VPS13A: variants seen among roughly 807,000 people sequenced by gnomAD.
The protein encoded by VPS13A is vacuolar protein sorting 13 homolog A.
In VPS13A, 264 loss-of-function variants were observed where a neutral mutation model predicts 390.9. The ratio of observed to expected loss-of-function variants is 0.68; its 90% CI spans 0.61 to 0.75. The LOEUF is 0.75. Among genes scored for constraint, VPS13A ranks in the 30% least tolerant of loss-of-function variants. VPS13A has a pLI of 0.00. For synonymous variants in VPS13A, 1,231 were observed against 1,227.1 expected (o/e 1.00, Z -0.07); for missense variants, 3,409 against 3,733.9 (o/e 0.91, Z 2.27).
At chr9:77,353,240 G>A (rs1410470995) in intron 53 of VPS13A, among the ~76,000 whole-genome samples, 169 bp from the exon 54 acceptor site, 8 of 151,992 alleles carry the variant, frequency 5.3e-5, no homozygotes, top group Admixed American at 5.2e-4. Context: ...TTTCAATAAT[G>A]TAAATTTGCA....
chr9:77,271,907 C>T lies in VPS13A; in HGVS notation c.2428-1373C>T, dbSNP rs541125826. Among the ~76,000 whole-genome samples, 7 of 152,132 alleles carry T rather than the reference C, an allele frequency of 4.6e-5. No individual in the cohort carries two copies. In the South Asian group the frequency reaches 1.5e-3, roughly 32 times the overall value. Reference sequence around the variant, plus strand: ...CTTTTGGGAGGATGCCTAATGATTGCAAGGAGCTTAAGGGAGGCTTATGAG... The same window carrying T: ...CTTTTGGGAGGATGCCTAATGATTGTAAGGAGCTTAAGGGAGGCTTATGAG... On this transcript the variant is annotated intron_variant, in intron 23 of 71. Transcript: ENST00000360280.
At chr9:77,395,481 G>T (rs1046121676) in intron 68 of VPS13A, among the ~76,000 whole-genome samples, 2 of 152,136 alleles carry the variant, frequency 1.3e-5, no homozygotes, top group Non-Finnish European at 2.9e-5. Flanking sequence ...AAAAAAGTTT[G>T]AAATATTGTA....
At chr9:77,207,239 A>ACG (rs1404204047) in intron 5 of VPS13A, among the ~76,000 whole-genome samples, 51 of 113,562 alleles carry the variant, frequency 4.5e-4, no homozygotes, top group Admixed American at 1.2e-3. Flanking sequence ...ATATATATAT[A>ACG]TATATATATA....
intron 2 of VPS13A, among the ~76,000 whole-genome samples, chr9:77,200,912 A>T (rs182649072): frequency 2.0e-5 from 3 of 152,252 alleles, no homozygotes; most frequent in Admixed American, 2.0e-4. Context: ...TGTTTTTGCG[A>T]GTGGATATCT....
intron 17 of VPS13A, among the ~76,000 whole-genome samples, chr9:77,236,924 A>G (rs180843832): frequency 5.9e-5 from 9 of 152,172 alleles, no homozygotes; most frequent in Admixed American, 3.9e-4. Flanking sequence ...TTGAGATGGA[A>G]TGCCACTCTG....
intron 14 of VPS13A, 57 bp downstream of exon 14, chr9:77,226,045 A>G: frequency 6.8e-7 from 1 of 1,468,138 alleles, no homozygotes; most frequent in South Asian, 1.2e-5. Context: ...TAGATATGAC[A>G]GATGTGATAT....
At chr9:77,303,430 G>C (rs994828976) in intron 34 of VPS13A, among the ~76,000 whole-genome samples, 2 of 152,002 alleles carry the variant, frequency 1.3e-5, no homozygotes, top group African/African-American at 4.8e-5. Flanking sequence ...AAGTGAAGGG[G>C]TGGCCTGCAC....
At chr9:77,393,273 T>C (rs890584864) in intron 68 of VPS13A, among the ~76,000 whole-genome samples, 6 of 152,258 alleles carry the variant, frequency 3.9e-5, no homozygotes, top group Non-Finnish European at 7.3e-5. Context: ...GCTCCACTTC[T>C]AATCCCCTTG....
chr9:77,416,402 T>G lies in VPS13A; in HGVS notation c.*396T>G, dbSNP rs1453138959. The G allele has an allele frequency of 1.5e-5, 3 of 198,598 alleles. No homozygotes were observed. In the East Asian group the frequency reaches 4.1e-4, roughly 27 times the overall value. The allele number at this position is 198,598 out of a possible 1,614,324, so 12.3% of individuals were successfully genotyped here. On this transcript the variant is annotated 3_prime_UTR_variant, in exon 72 of 72. Transcript: ENST00000360280. ...AATGTTTCTAGTTCACATTTTGTACTTCTGTCATGCTTATTTCAAACTCCC... is the reference window on the plus strand; with the variant it reads ...AATGTTTCTAGTTCACATTTTGTACGTCTGTCATGCTTATTTCAAACTCCC...
At chr9:77,177,910 G>A (rs1823738911) in intron 1 of VPS13A, 106 bp downstream of exon 1, 1 of 1,050,354 alleles carries the variant, frequency 9.5e-7, no homozygotes, top group African/African-American at 1.6e-5. Flanking sequence ...TTGCTCGCCG[G>A]GTGCAGCCAC....
chr9:77,291,146 C>T (rs939395830), intron 31 of VPS13A, among the ~76,000 whole-genome samples: 15 of 152,150 alleles, frequency 9.9e-5, no homozygotes, highest in African/African-American at 3.6e-4. Context: ...AGCTCCGCCT[C>T]CTGTCAGATC....
chr9:77,313,979 T>C lies in VPS13A; in HGVS notation c.4115-13T>C, dbSNP rs368916206. The C allele has an allele frequency of 3.7e-6, 6 of 1,608,316 alleles. No homozygotes were observed. The highest frequency in any genetic ancestry group is 5.1e-6 in the Non-Finnish European group (6 of 1,176,912). On this transcript the variant is annotated splice_polypyrimidine_tract_variant and intron_variant, in intron 35 of 71. Coordinates refer to ENST00000360280, the MANE Select transcript of VPS13A (RefSeq NM_033305.3). ...GATATTTTCTTTTATTAAATAACTT[T>C]AATTTTTTCAAGGAGCAACTGTGGT...
chr9:77,238,369 G>T lies in VPS13A; in HGVS notation c.1883G>T (p.Arg628Leu), dbSNP rs765358211. 15 of 1,613,490 alleles carry T rather than the reference G, an allele frequency of 9.3e-6. No homozygotes were observed. Among genetic ancestry groups the T allele is most frequent in the East Asian group, 2.2e-5 (1 of 44,834 alleles). The change falls in exon 19 of 72, where the codon CGC (arginine) becomes CTC (leucine). Residue 628 changes from arginine to leucine, a missense_variant. Physicochemically the swap from Arg to Leu is moderately radical, Grantham distance 102. Around this residue, in one of 5 missense-constraint regions of VPS13A, gnomAD observed 2,717 missense variants for 2,917.4 expected, o/e 0.93. Coordinates refer to ENST00000360280, the MANE Select transcript of VPS13A (RefSeq NM_033305.3). The stretch of plus-strand genomic sequence containing the variant: ...ACTTTGACAAAACTGGAAGAATTTC[G>T]CAGTAAGACAGCAACAGGTAAATGC... ...AATLTKLEEF[R>L]SKTATGLLYI...
intron 68 of VPS13A, among the ~76,000 whole-genome samples, chr9:77,393,537 TA>T (rs1008859812): frequency 3.3e-5 from 5 of 152,214 alleles, no homozygotes; most frequent in Non-Finnish European, 5.9e-5. Context: ...ATTTCTTAAA[TA>T]ATAAGACTTG....
chr9:77,334,447 CT>C (rs747892017), intron 46 of VPS13A, among the ~76,000 whole-genome samples: 40 of 152,216 alleles, frequency 2.6e-4, no homozygotes, highest in Non-Finnish European at 5.0e-4. Context: ...ATTCCTTGAA[CT>C]TTCCTTTGAC....
At chr9:77,352,274 T>A (rs1422165224) in intron 53 of VPS13A, among the ~76,000 whole-genome samples, 2 of 152,204 alleles carry the variant, frequency 1.3e-5, no homozygotes, top group African/African-American at 4.8e-5. Flanking sequence ...TTTCAGAAAA[T>A]TTTTAAAAGT....
chr9:77,306,571 T>C (rs1287478880), intron 34 of VPS13A, among the ~76,000 whole-genome samples: 1 of 151,938 alleles, frequency 6.6e-6, no homozygotes, highest in Non-Finnish European at 1.5e-5. Flanking sequence ...GAAGAGGTAG[T>C]GTTGGAGCTC....
At chr9:77,355,689 CAG>C (rs1433610214) in intron 54 of VPS13A, among the ~76,000 whole-genome samples, 1 of 152,200 alleles carries the variant, frequency 6.6e-6, no homozygotes, top group Non-Finnish European at 1.5e-5. Flanking sequence ...GCTTTCCAAT[CAG>C]AGTTAATAAA....
At chr9:77,339,989 ATAT>A (rs2131506522) in intron 48 of VPS13A, 78 bp downstream of exon 48, 3 of 1,517,530 alleles carry the variant, frequency 2.0e-6, no homozygotes, top group South Asian at 1.2e-5. Flanking sequence ...TGAGTAATAA[ATAT>A]TATGAAACTT....
Sources: allele counts gnomAD v4.1 joint callset (sites outside exome capture counted in the v4.1 genomes callset), GRCh38; gene constraint gnomAD v4.1.1; regional missense constraint gnomAD v4.1.1; transcripts MANE v1.5; gene names NCBI Gene and HGNC (gene_info 2026-07-23, HGNC 2026-07-21).